The following CTNNA3 variants were observed in gnomAD, a reference collection of about 807,000 sequenced individuals.
CTNNA3 encodes catenin alpha-3.
Under a neutral mutation model 95.7 loss-of-function variants are expected in CTNNA3, and 76 were observed. That is an observed-to-expected ratio of 0.79 (90% CI 0.66 to 0.96). The LOEUF is 0.96. Among genes scored for constraint, CTNNA3 ranks in the 40% least tolerant of loss-of-function variants. The pLI is 0.00. For synonymous variants in CTNNA3, 431 were observed against 374.4 expected (o/e 1.15, Z -1.74); for missense variants, 1,191 against 1,089.8 (o/e 1.09, Z -1.31).
intron 5 of CTNNA3, among the ~76,000 whole-genome samples, chr10:67,235,495 C>T (rs1346911344): frequency 1.3e-5 from 2 of 151,110 alleles, no homozygotes; most frequent in African/African-American, 4.9e-5. Context: ...CTTCCTTACA[C>T]CTTATACAAA....
intron 5 of CTNNA3, among the ~76,000 whole-genome samples, chr10:67,435,561 T>C (rs569054933): frequency 1.1e-3 from 164 of 152,104 alleles, no homozygotes; most frequent in Middle Eastern, 6.8e-3. Flanking sequence ...AATATGATCG[T>C]TTACCTTGAA....
chr10:66,032,203 A>C (rs1231771125), intron 15 of CTNNA3, among the ~76,000 whole-genome samples: 1 of 152,072 alleles, frequency 6.6e-6, no homozygotes, highest in East Asian at 1.9e-4. Context: ...TATTTCTTTG[A>C]TTTTTTTAAA....
At chr10:66,707,478 G>C (rs1848155122) in intron 9 of CTNNA3, among the ~76,000 whole-genome samples, 1 of 151,924 alleles carries the variant, frequency 6.6e-6, no homozygotes, top group Middle Eastern at 3.4e-3. Context: ...ATCATATATA[G>C]TATCTAGCAA....
intron 15 of CTNNA3, among the ~76,000 whole-genome samples, chr10:66,027,428 G>A (rs929076527): frequency 3.9e-5 from 6 of 152,060 alleles, no homozygotes; most frequent in African/African-American, 7.2e-5. Flanking sequence ...AAGCTTAAAT[G>A]TCTGTCTCTC....
intron 9 of CTNNA3, among the ~76,000 whole-genome samples, chr10:66,650,276 A>G (rs1485635647): frequency 6.6e-6 from 1 of 152,166 alleles, no homozygotes; most frequent in Admixed American, 6.5e-5. Context: ...TATTGGCAAA[A>G]CAAGTCTTAA....
intron 1 of CTNNA3, among the ~76,000 whole-genome samples, chr10:67,717,454 T>C (rs1564839364): frequency 1.3e-5 from 2 of 152,240 alleles, no homozygotes; most frequent in East Asian, 3.8e-4. Context: ...GTTTTCAGTT[T>C]TATATTTAAG....
intron 10 of CTNNA3, among the ~76,000 whole-genome samples, chr10:66,551,896 CTT>C (rs141885331): frequency 6.0e-4 from 68 of 113,958 alleles, no homozygotes; most frequent in African/African-American, 1.7e-3. Context: ...TTTTCTTTTC[CTT>C]TTTTTTTTTT....
chr10:67,072,924 A>G (rs2131853287), intron 7 of CTNNA3, among the ~76,000 whole-genome samples: 1 of 87,764 alleles, frequency 1.1e-5, no homozygotes, highest in Non-Finnish European at 2.2e-5. Flanking sequence ...AACACAGCAA[A>G]CATCCCTTGG....
chr10:66,762,197 G>A (rs780233192), intron 9 of CTNNA3, among the ~76,000 whole-genome samples: 24 of 151,982 alleles, frequency 1.6e-4, no homozygotes, highest in Non-Finnish European at 2.8e-4. Flanking sequence ...TAGAGATAAC[G>A]GTGCCCTAAA....
rs186513932 is a variant in CTNNA3, at chr10:66,089,301, T to C, written c.1977+13856A>G. ...ATTGCACACTATTACTCTTGGTAAA[T>C]AGAGAGTCTTCCTGCCCCAACCCAA... On this transcript the variant is annotated intron_variant, in intron 14 of 17. Coordinates refer to ENST00000433211, the MANE Select transcript of CTNNA3 (RefSeq NM_013266.4). Among the ~76,000 whole-genome samples, 8 of 151,906 alleles carry C rather than the reference T, an allele frequency of 5.3e-5. No homozygotes were observed. The East Asian group carries it at 1.5e-3, about 29-fold the overall frequency.
chr10:66,834,748 C>T (rs185731685), intron 7 of CTNNA3, among the ~76,000 whole-genome samples: 11 of 152,190 alleles, frequency 7.2e-5, no homozygotes, highest in African/African-American at 1.2e-4. Flanking sequence ...CTAGAGCTCT[C>T]GTGAAAATCT....
chr10:67,593,453 C>T (rs570018534), intron 3 of CTNNA3, among the ~76,000 whole-genome samples: 1 of 152,228 alleles, frequency 6.6e-6, no homozygotes, highest in South Asian at 2.1e-4. Context: ...TTTTCTAGTT[C>T]TCCTTGTAAA....
chr10:66,717,477 G>A (rs762577086), intron 9 of CTNNA3, among the ~76,000 whole-genome samples: 15 of 152,122 alleles, frequency 9.9e-5, no homozygotes, highest in South Asian at 2.1e-4. Context: ...GTGTGCAGAG[G>A]CTGTGTTATC....
intron 12 of CTNNA3, among the ~76,000 whole-genome samples, chr10:66,361,866 C>A (rs139734849): frequency 1.3e-5 from 2 of 151,698 alleles, no homozygotes; most frequent in Non-Finnish European, 2.9e-5. Context: ...TTAGGGTAGT[C>A]GCTTCCATCA....
At chr10:66,178,834 T>C (rs1162124505) in intron 13 of CTNNA3, among the ~76,000 whole-genome samples, 3 of 151,934 alleles carry the variant, frequency 2.0e-5, no homozygotes, top group Non-Finnish European at 4.4e-5. Flanking sequence ...TAGGAAGTTA[T>C]AAATTAAAGC....
At chr10:66,650,028 T>C (rs1475139991) in intron 9 of CTNNA3, among the ~76,000 whole-genome samples, 1 of 152,218 alleles carries the variant, frequency 6.6e-6, no homozygotes, top group Admixed American at 6.5e-5. Context: ...TATCCCACTT[T>C]CAGCAATGAA....
intron 9 of CTNNA3, among the ~76,000 whole-genome samples, chr10:66,685,338 T>G (rs1322773858): frequency 1.2e-5 from 1 of 86,392 alleles, no homozygotes; most frequent in African/African-American, 5.3e-5. Flanking sequence ...TATATATATA[T>G]ATATATATAT....
At position 65,916,372 on chromosome 10, in the gene CTNNA3, C is replaced by T. The variant is rs2077008784; in HGVS notation, c.*3958G>A. 6.6e-6 allele frequency: 1 copy of T among 152,194 alleles called. No individual in the cohort carries two copies. The highest frequency in any genetic ancestry group is 2.4e-5 in the African/African-American group (1 of 41,540). The allele number at this position is 152,194 out of a possible 1,614,324, so 9.4% of individuals were successfully genotyped here. A position where few individuals can be genotyped will look rare whatever the true frequency, so the allele number is the denominator to read the frequency against. ...TTCATTCAAATTCAGATTCTGGTGC[C>T]TGCTTTGCCAACCTAAAGAACTACT... On this transcript the variant is annotated 3_prime_UTR_variant, in exon 18 of 18. Coordinates refer to ENST00000433211, the MANE Select transcript of CTNNA3 (RefSeq NM_013266.4).
At chr10:66,260,391 C>A (rs34737221) in intron 13 of CTNNA3, among the ~76,000 whole-genome samples, 21,816 of 152,030 alleles carry the variant, frequency 0.14, 1,704 homozygotes, top group East Asian at 0.26. Flanking sequence ...TTTGCCAAGA[C>A]CTAAGTTCCC....
Sources: allele counts gnomAD v4.1 joint callset (sites outside exome capture counted in the v4.1 genomes callset), GRCh38; gene constraint gnomAD v4.1.1; transcripts MANE v1.5; gene names NCBI Gene and HGNC (gene_info 2026-07-23, HGNC 2026-07-21).